The following PGPEP1L variants were observed in gnomAD, a reference collection of about 807,000 sequenced individuals.
The protein encoded by PGPEP1L is pyroglutamyl-peptidase 1-like protein.
Under a neutral mutation model 6.0 loss-of-function variants are expected in PGPEP1L, and 7 were observed. The ratio of observed to expected loss-of-function variants is 1.17; its 90% CI spans 0.66 to 2.19. The LOEUF is 2.19. PGPEP1L is among the 30% of genes most tolerant of loss of function. The probability of loss-of-function intolerance (pLI) is 0.00; values close to 1 mark genes in which losing one functional copy is unlikely to be tolerated. For synonymous variants in PGPEP1L, 103 were observed against 83.9 expected, an observed-to-expected ratio of 1.23 and a Z score of -1.24; for missense variants, 209 against 192.5, an observed-to-expected ratio of 1.09 and a Z score of -0.51.
chr15:99,001,708 G>A (rs1328555753), intron 2 of PGPEP1L, among the ~76,000 whole-genome samples: 1 of 139,962 alleles, frequency 7.1e-6, no homozygotes, highest in Non-Finnish European at 1.6e-5. Flanking sequence ...ATATATTTGT[G>A]TTTTTTATTT....
intron 2 of PGPEP1L, among the ~76,000 whole-genome samples, chr15:99,000,747 A>G (rs548092769): frequency 6.6e-6 from 1 of 152,130 alleles, no homozygotes; most frequent in South Asian, 2.1e-4. Context: ...GTCAAAATGG[A>G]CCAATCAGTT....
chr15:98,976,748 A>C (rs2017575705), intron 2 of PGPEP1L, among the ~76,000 whole-genome samples: 1 of 152,184 alleles, frequency 6.6e-6, no homozygotes. Context: ...AGGGAAGCTC[A>C]TGAGTAGATT....
chr15:98,984,821 C>G (rs2017723134), intron 2 of PGPEP1L, among the ~76,000 whole-genome samples: 1 of 151,874 alleles, frequency 6.6e-6, no homozygotes, highest in South Asian at 2.1e-4. Context: ...TGAACTCTGC[C>G]CAGACGAAAA....
rs1252381977 is a variant in PGPEP1L at position 99,005,455 on chromosome 15, G to A, written c.-168C>T. The A allele has an allele frequency of 2.0e-5, 3 of 152,542 alleles. No individual in the cohort carries two copies. Among genetic ancestry groups the A allele is most frequent in the Non-Finnish European group, 4.4e-5 (3 of 68,078 alleles). 9.4% of individuals were successfully genotyped at this position (152,542 alleles called of 1,614,324 possible). On this transcript the variant is annotated 5_prime_UTR_variant, in exon 2 of 5. Coordinates refer to ENST00000535714, the MANE Select transcript of PGPEP1L (RefSeq NM_001167902.2). ...AGTCACCACCACGCAGCTGGGCTGGGAATCCATGAAGACGAAGTGGGAGCT... is the reference window on the plus strand; with the variant it reads ...AGTCACCACCACGCAGCTGGGCTGGAAATCCATGAAGACGAAGTGGGAGCT...
chr15:99,007,602 T>C lies in PGPEP1L; in HGVS notation c.-613A>G, dbSNP rs1193043014. The C allele has an allele frequency of 6.6e-6, 1 of 152,058 alleles. No individual in the cohort carries two copies. The highest frequency in any genetic ancestry group is 1.5e-5 in the Non-Finnish European group (1 of 68,050). 9.4% of individuals were successfully genotyped at this position (152,058 alleles called of 1,614,324 possible). A position where few individuals can be genotyped will look rare whatever the true frequency, so the allele number is the denominator to read the frequency against. ...GCTACGGCTCTTAAGGTGGCGTGTT[T>C]GGAGTTATTCGTTTCTCCCGGTGGG... On this transcript the variant is annotated 5_prime_UTR_variant, in exon 1 of 5. Coordinates refer to ENST00000535714, the MANE Select transcript of PGPEP1L (RefSeq NM_001167902.2).
intron 2 of PGPEP1L, among the ~76,000 whole-genome samples, chr15:98,973,858 G>A (rs2017531524): frequency 6.6e-6 from 1 of 152,036 alleles, no homozygotes; most frequent in Non-Finnish European, 1.5e-5. Flanking sequence ...GATCAGAGCA[G>A]AAATAAATAA....
At position 98,969,432 on chromosome 15, in the gene PGPEP1L, C is replaced by T. The variant is rs1295218187; in HGVS notation, c.202G>A (p.Ala68Thr). The T allele has an allele frequency of 5.0e-6, 8 of 1,613,902 alleles. No homozygotes were observed. In the East Asian group the frequency reaches 1.8e-4, roughly 36 times the overall value. Residue 68 changes from alanine to threonine, a missense_variant, in exon 4 of 5, where the codon GCA (alanine) becomes ACA (threonine). Physicochemically the swap from Ala to Thr is moderately conservative, Grantham distance 58 (BLOSUM62 0). Coordinates refer to ENST00000535714, the MANE Select transcript of PGPEP1L (RefSeq NM_001167902.2). The part of the protein sequence containing the change: ...EGVDVIFSRD[A>T]GRYVCDYTYY... ...GACACCCACAGAGCATACCTGCCTG[C>T]ATCTCGGGAAAAGATCACGTCGACA...
At chr15:98,980,761 G>A (rs1285904809) in intron 2 of PGPEP1L, among the ~76,000 whole-genome samples, 2 of 151,952 alleles carry the variant, frequency 1.3e-5, no homozygotes, top group African/African-American at 2.4e-5. Flanking sequence ...GTGAAACCCC[G>A]TCGCTACTAA....
chr15:98,979,633 CTTTTTTTTTTTTTTT>C (rs568793204), intron 2 of PGPEP1L, among the ~76,000 whole-genome samples: 59 of 46,512 alleles, frequency 1.3e-3, no homozygotes, highest in African/African-American at 3.2e-3. Context: ...GGAGACTATT[CTTTTTTTTTTTTTTT>C]TTTTTTTTTT....
chr15:98,982,114 T>A (rs1395213663), intron 2 of PGPEP1L, among the ~76,000 whole-genome samples: 1 of 152,266 alleles, frequency 6.6e-6, no homozygotes, highest in East Asian at 1.9e-4. Context: ...GCAGAAAAAA[T>A]ATGTTTCCTT....
intron 3 of PGPEP1L, 111 bp downstream of exon 3, chr15:98,970,925 T>A: frequency 6.7e-7 from 1 of 1,487,796 alleles, no homozygotes; most frequent in East Asian, 2.3e-5. Context: ...TGGTGGGGCC[T>A]GGGGACGGGG....
chr15:98,998,511 C>T (rs1317327185), intron 2 of PGPEP1L, among the ~76,000 whole-genome samples: 1 of 152,180 alleles, frequency 6.6e-6, no homozygotes, highest in African/African-American at 2.4e-5. Context: ...CATGAATATG[C>T]CCAATTGTTT....
At chr15:98,969,209 C>A (rs1404713829) in intron 4 of PGPEP1L, among the ~76,000 whole-genome samples, 1 of 152,198 alleles carries the variant, frequency 6.6e-6, no homozygotes, top group Non-Finnish European at 1.5e-5. Flanking sequence ...CACCAAAGAC[C>A]GTGTTTCCAC....
chr15:99,003,042 A>G (rs1278742522), intron 2 of PGPEP1L, among the ~76,000 whole-genome samples: 3 of 152,228 alleles, frequency 2.0e-5, no homozygotes, highest in East Asian at 3.9e-4. Flanking sequence ...GCTCATGAGG[A>G]AGTAAAAACT....
intron 2 of PGPEP1L, among the ~76,000 whole-genome samples, chr15:99,000,940 G>A (rs542180525): frequency 6.6e-6 from 1 of 152,072 alleles, no homozygotes; most frequent in Non-Finnish European, 1.5e-5. Flanking sequence ...CTGCCTTTAT[G>A]AGCTGTAACT....
chr15:98,986,368 A>G (rs1555471495), intron 2 of PGPEP1L, among the ~76,000 whole-genome samples: 1 of 152,216 alleles, frequency 6.6e-6, no homozygotes, highest in African/African-American at 2.4e-5. Context: ...TAATCATATG[A>G]CCATTGATGT....
rs1433514351 is a variant in PGPEP1L, at chr15:98,995,971, C to A, written c.-142+9458G>T. 2.6e-5 allele frequency among the ~76,000 whole-genome samples: 4 copies of A among 152,140 alleles called. No homozygotes were observed. In the East Asian group the frequency reaches 7.7e-4, roughly 29 times the overall value. ...TGCCTTTCATTTACCGTAATTCTAA[C>A]CTGCCTTTTAAATCATCTGTTAAAT... On this transcript the variant is annotated intron_variant, in intron 2 of 4. Transcript: ENST00000535714.
intron 2 of PGPEP1L, among the ~76,000 whole-genome samples, chr15:98,973,591 G>A (rs1471815695): frequency 3.9e-5 from 6 of 152,102 alleles, no homozygotes; most frequent in Non-Finnish European, 8.8e-5. Flanking sequence ...AAATTAAACA[G>A]CATGCTCCTG....
intron 2 of PGPEP1L, among the ~76,000 whole-genome samples, chr15:98,976,787 G>A (rs1242145803): frequency 6.6e-6 from 1 of 152,144 alleles, no homozygotes; most frequent in Non-Finnish European, 1.5e-5. Flanking sequence ...TCAGAGACAT[G>A]AGTAAAGACA....
Sources: gnomAD v4.1 joint callset for allele counts (sites outside exome capture counted in the v4.1 genomes callset) on GRCh38, gnomAD v4.1.1 for gene constraint, MANE v1.5 for transcripts, NCBI Gene and HGNC (gene_info 2026-07-23, HGNC 2026-07-21) for gene names.